The following HS6ST3 variants were observed in gnomAD, a reference collection of about 807,000 sequenced individuals.
HS6ST3 encodes the protein heparan sulfate 6-O-sulfotransferase 3.
A neutral mutation model predicts 36.7 loss-of-function variants in HS6ST3; 12 were observed. The ratio of observed to expected loss-of-function variants is 0.33; its 90% CI spans 0.21 to 0.53. The LOEUF (loss-of-function observed/expected upper bound fraction) is 0.53. Ranked by LOEUF, HS6ST3 falls within the 20% of genes least tolerant of loss-of-function variation. The pLI, the probability that HS6ST3 is intolerant of heterozygous loss-of-function variation, is 0.95. For synonymous variants in HS6ST3, 240 were observed against 257.5 expected (o/e 0.93, Z 0.65); for missense variants, 584 against 640.9 (o/e 0.91, Z 0.96).
intron 1 of HS6ST3, among the ~76,000 whole-genome samples, chr13:96,691,051 T>C (rs977985891): frequency 6.6e-6 from 1 of 152,144 alleles, no homozygotes; most frequent in African/African-American, 2.4e-5. Context: ...ATGGCAAATA[T>C]TACATCAGAG....
chr13:96,738,590 T>C (rs1876348182), intron 1 of HS6ST3, among the ~76,000 whole-genome samples: 1 of 152,078 alleles, frequency 6.6e-6, no homozygotes, highest in African/African-American at 2.4e-5. Flanking sequence ...AGCAGAACAT[T>C]TTTTCCTTTT....
At chr13:96,825,425 G>A (rs577828671) in intron 1 of HS6ST3, among the ~76,000 whole-genome samples, 1 of 152,256 alleles carries the variant, frequency 6.6e-6, no homozygotes, top group Admixed American at 6.5e-5. Flanking sequence ...AGAGGAAAAA[G>A]TAGCATAGAG....
intron 1 of HS6ST3, among the ~76,000 whole-genome samples, chr13:96,592,629 T>G (rs2056386726): frequency 6.6e-6 from 1 of 151,974 alleles, no homozygotes; most frequent in Non-Finnish European, 1.5e-5. Flanking sequence ...CTCAGCATTT[T>G]ATTTATTTAT....
At chr13:96,496,145 C>G (rs573536709) in intron 1 of HS6ST3, among the ~76,000 whole-genome samples, 1 of 152,340 alleles carries the variant, frequency 6.6e-6, no homozygotes, top group African/African-American at 2.4e-5. Flanking sequence ...CCATTCTACC[C>G]AACACCTTTT....
chr13:96,462,543 T>C (rs1402068156), intron 1 of HS6ST3, among the ~76,000 whole-genome samples: 1 of 152,230 alleles, frequency 6.6e-6, no homozygotes, highest in African/African-American at 2.4e-5. Flanking sequence ...ATTGAAAGCA[T>C]TCTTTTTAAG....
chr13:96,557,779 C>A (rs562867985), intron 1 of HS6ST3, among the ~76,000 whole-genome samples: 1 of 152,320 alleles, frequency 6.6e-6, no homozygotes, highest in East Asian at 1.9e-4. Flanking sequence ...CTGCCTTTGA[C>A]TCCTAGCTTA....
intron 1 of HS6ST3, among the ~76,000 whole-genome samples, chr13:96,627,868 T>C (rs1009428874): frequency 2.6e-5 from 4 of 151,924 alleles, no homozygotes; most frequent in Non-Finnish European, 5.9e-5. Flanking sequence ...CATCTGAAGT[T>C]ATATCTTCTT....
chr13:96,508,070 A>C (rs2056033811), intron 1 of HS6ST3, among the ~76,000 whole-genome samples: 1 of 152,130 alleles, frequency 6.6e-6, no homozygotes, highest in South Asian at 2.1e-4. Flanking sequence ...CTGCTGTGAA[A>C]GAGGAGGAAA....
chr13:96,155,121 T>C (rs7986806), intron 1 of HS6ST3, among the ~76,000 whole-genome samples: 99 of 152,298 alleles, frequency 6.5e-4, no homozygotes, highest in African/African-American at 2.3e-3. Context: ...TAAGACCATG[T>C]ACCCACTTGA....
At chr13:96,418,917 G>A (rs2055548391) in intron 1 of HS6ST3, among the ~76,000 whole-genome samples, 1 of 152,218 alleles carries the variant, frequency 6.6e-6, no homozygotes, top group Non-Finnish European at 1.5e-5. Context: ...CCAACTGGCT[G>A]TCCTTTCAAG....
chr13:96,815,847 G>C (rs1878409325), intron 1 of HS6ST3, among the ~76,000 whole-genome samples: 1 of 152,076 alleles, frequency 6.6e-6, no homozygotes, highest in Admixed American at 6.6e-5. Context: ...ACTTAAACTT[G>C]ACTAGATATG....
intron 1 of HS6ST3, among the ~76,000 whole-genome samples, chr13:96,252,406 C>T (rs548766844): frequency 7.2e-4 from 110 of 152,252 alleles, no homozygotes; most frequent in African/African-American, 2.5e-3. Flanking sequence ...TCTCTTCGAC[C>T]TTTTCTATGG....
chr13:96,806,196 A>G (rs901894716), intron 1 of HS6ST3, among the ~76,000 whole-genome samples: 3 of 152,188 alleles, frequency 2.0e-5, no homozygotes, highest in Admixed American at 2.0e-4. Context: ...TTGTAAATTC[A>G]CCCAGAGAAT....
chr13:96,671,175 A>G (rs1251951211), intron 1 of HS6ST3, among the ~76,000 whole-genome samples: 2 of 152,166 alleles, frequency 1.3e-5, no homozygotes, highest in Non-Finnish European at 2.9e-5. Context: ...GGAGCCAGCT[A>G]GTTCTCCTCA....
At chr13:96,208,880 C>T (rs1049307521) in intron 1 of HS6ST3, among the ~76,000 whole-genome samples, 4 of 152,088 alleles carry the variant, frequency 2.6e-5, no homozygotes, top group Non-Finnish European at 4.4e-5. Flanking sequence ...GCAGATTTTT[C>T]CCATGTATAA....
intron 1 of HS6ST3, among the ~76,000 whole-genome samples, chr13:96,560,852 G>A (rs1409618512): frequency 6.6e-6 from 1 of 152,012 alleles, no homozygotes; most frequent in Non-Finnish European, 1.5e-5. Context: ...ATCTCTACAT[G>A]GAGAATTACC....
intron 1 of HS6ST3, among the ~76,000 whole-genome samples, chr13:96,110,085 A>G (rs1231621726): frequency 6.6e-6 from 1 of 152,136 alleles, no homozygotes. Context: ...GAGGCTGGGT[A>G]ATTTTAAAGA....
intron 1 of HS6ST3, among the ~76,000 whole-genome samples, chr13:96,694,116 C>T (rs530709009): frequency 6.6e-6 from 1 of 152,196 alleles, no homozygotes; most frequent in East Asian, 1.9e-4. Context: ...TTTAGTCACC[C>T]AAGTATTAAG....
At chr13:96,519,070 T>C (rs893403633) in intron 1 of HS6ST3, among the ~76,000 whole-genome samples, 5 of 152,240 alleles carry the variant, frequency 3.3e-5, no homozygotes, top group Non-Finnish European at 7.3e-5. Flanking sequence ...GTAAGTTGTC[T>C]AAAATGATAA....
Sources: gnomAD v4.1 joint callset for allele counts (sites outside exome capture counted in the v4.1 genomes callset) on GRCh38, gnomAD v4.1.1 for gene constraint, MANE v1.5 for transcripts, NCBI Gene and HGNC (gene_info 2026-07-23, HGNC 2026-07-21) for gene names.